B3GALT1: variants seen among roughly 807,000 people sequenced by gnomAD.
B3GALT1 encodes the protein UDP-Gal:betaGlcNAc beta 1,3-galactosyltransferase, polypeptide 1.
Under a neutral mutation model 23.2 loss-of-function variants are expected in B3GALT1, and 10 were observed. The observed-to-expected ratio is 0.43, with a 90% CI of 0.27 to 0.73. The LOEUF (loss-of-function observed/expected upper bound fraction) is 0.73. Among genes scored for constraint, B3GALT1 ranks in the 30% least tolerant of loss-of-function variants. The probability of loss-of-function intolerance (pLI) is 0.21; values close to 1 mark genes in which losing one functional copy is unlikely to be tolerated. For missense variants in B3GALT1, 299 were observed against 405.4 expected, an observed-to-expected ratio of 0.74 and a Z score of 2.25; for synonymous variants, 156 against 141.5, an observed-to-expected ratio of 1.10 and a Z score of -0.73.
intron 2 of B3GALT1, among the ~76,000 whole-genome samples, chr2:167,510,060 AAGTC>A (rs1408055847): frequency 2.0e-5 from 3 of 152,182 alleles, no homozygotes; most frequent in African/African-American, 7.2e-5. Flanking sequence ...ATAAAATTAA[AAGTC>A]AGATCATCAA....
At chr2:167,477,551 A>G (rs180811397) in intron 1 of B3GALT1, among the ~76,000 whole-genome samples, 1 of 152,342 alleles carries the variant, frequency 6.6e-6, no homozygotes, top group East Asian at 1.9e-4. Flanking sequence ...AAACGTTTCT[A>G]CTAAGTCTGA....
rs1685852913 is a variant in B3GALT1 at position 167,650,973 on chromosome 2, G to A, written c.-352+4007G>A. On this transcript the variant is annotated intron_variant, in intron 3 of 4. Transcript: ENST00000392690. ...AGTATAATAAATGCTCCTTAATTAT[G>A]TGTTCCCCATGCTTTAAAACAAAAT... Among the ~76,000 whole-genome samples the A allele has an allele frequency of 2.0e-5, 3 of 152,038 alleles. No homozygotes were observed. In the South Asian group the frequency reaches 6.2e-4, roughly 32 times the overall value.
intron 3 of B3GALT1, among the ~76,000 whole-genome samples, chr2:167,769,365 A>C (rs1688033135): frequency 6.6e-6 from 1 of 152,132 alleles, no homozygotes; most frequent in African/African-American, 2.4e-5. Flanking sequence ...GAGTTACATC[A>C]ATCTCAGTGC....
chr2:167,730,437 C>G (rs1179713115), intron 3 of B3GALT1, among the ~76,000 whole-genome samples: 1 of 152,102 alleles, frequency 6.6e-6, no homozygotes, highest in Non-Finnish European at 1.5e-5. Context: ...TAATATTTGT[C>G]TAGTACTTTA....
chr2:167,336,203 C>A (rs1313810993), intron 1 of B3GALT1, among the ~76,000 whole-genome samples: 1 of 152,030 alleles, frequency 6.6e-6, no homozygotes, highest in Non-Finnish European at 1.5e-5. Context: ...TTCTACATAT[C>A]AACCTGAATC....
chr2:167,454,892 G>A (rs1242067234), intron 1 of B3GALT1, among the ~76,000 whole-genome samples: 5 of 152,042 alleles, frequency 3.3e-5, no homozygotes, highest in Admixed American at 3.3e-4. Context: ...CCAATGTTTG[G>A]GCCTCAGCCA....
chr2:167,762,689 C>T (rs1687915313), intron 3 of B3GALT1, among the ~76,000 whole-genome samples: 1 of 152,000 alleles, frequency 6.6e-6, no homozygotes, highest in African/African-American at 2.4e-5. Context: ...CCTCTTTGCA[C>T]TTAGAGTTTG....
At chr2:167,750,922 G>A (rs1687725301) in intron 3 of B3GALT1, among the ~76,000 whole-genome samples, 1 of 151,990 alleles carries the variant, frequency 6.6e-6, no homozygotes, top group Non-Finnish European at 1.5e-5. Flanking sequence ...TGAAGTAATG[G>A]GTGAATGTAA....
At chr2:167,483,527 T>C (rs1035622553) in intron 1 of B3GALT1, among the ~76,000 whole-genome samples, 3 of 152,186 alleles carry the variant, frequency 2.0e-5, no homozygotes, top group Non-Finnish European at 2.9e-5. Flanking sequence ...TTAACTGGTT[T>C]AATATAGAAT....
chr2:167,640,815 C>T (rs1308755399), intron 2 of B3GALT1, among the ~76,000 whole-genome samples: 1 of 152,110 alleles, frequency 6.6e-6, no homozygotes, highest in Admixed American at 6.6e-5. Flanking sequence ...TCCATTGCAG[C>T]CTGGTCTCTG....
At chr2:167,579,210 A>ATCT in intron 2 of B3GALT1, among the ~76,000 whole-genome samples, 2 of 152,096 alleles carry the variant, frequency 1.3e-5, no homozygotes, top group Non-Finnish European at 2.9e-5. Context: ...GAATTTGTTC[A>ATCT]ACCTTATGAC....
rs2105264827 is a variant in B3GALT1, at chr2:167,364,078, T to C, written c.-511+70744T>C. 3.4e-5 allele frequency among the ~76,000 whole-genome samples: 5 copies of C among 146,466 alleles called. No homozygotes were observed. In the Middle Eastern group the frequency reaches 0.019, roughly 555 times the overall value. ...ACTCGGGAGGATGAGTCAGGAGAAT[T>C]GCTTGAACCCAGGAGATGGAGGTTG... On this transcript the variant is annotated intron_variant, in intron 1 of 4. Coordinates refer to ENST00000392690, the MANE Select transcript of B3GALT1 (RefSeq NM_020981.4).
At chr2:167,643,149 C>A (rs896673088) in intron 2 of B3GALT1, among the ~76,000 whole-genome samples, 1 of 152,122 alleles carries the variant, frequency 6.6e-6, no homozygotes, top group Non-Finnish European at 1.5e-5. Flanking sequence ...CACATACCAT[C>A]TATGAAATTC....
intron 2 of B3GALT1, among the ~76,000 whole-genome samples, chr2:167,559,701 A>G (rs1216262989): frequency 6.6e-6 from 1 of 152,242 alleles, no homozygotes; most frequent in Non-Finnish European, 1.5e-5. Flanking sequence ...AAGAAAGGGT[A>G]TCAGTGATGG....
chr2:167,862,378 A>T (rs1427215125), intron 4 of B3GALT1, among the ~76,000 whole-genome samples: 1 of 152,236 alleles, frequency 6.6e-6, no homozygotes, highest in Non-Finnish European at 1.5e-5. Context: ...GAGGAGATGC[A>T]TGTCACAGCT....
chr2:167,364,240 C>A (rs1191294838), intron 1 of B3GALT1, among the ~76,000 whole-genome samples: 1 of 149,504 alleles, frequency 6.7e-6, no homozygotes, highest in African/African-American at 2.5e-5. Context: ...ACACTTATAT[C>A]AAGGTTAATG....
At chr2:167,775,568 CA>C (rs60193092) in intron 3 of B3GALT1, among the ~76,000 whole-genome samples, 44,818 of 133,794 alleles carry the variant, frequency 0.33, 8,729 homozygotes, top group African/African-American at 0.6. Flanking sequence ...GACGCTGTCT[CA>C]AAAAAAAAAA....
chr2:167,641,619 A>G (rs1021261935), intron 2 of B3GALT1, among the ~76,000 whole-genome samples: 1 of 152,142 alleles, frequency 6.6e-6, no homozygotes, highest in African/African-American at 2.4e-5. Flanking sequence ...GGCATTTGAC[A>G]CAGTTGGGCA....
At chr2:167,302,634 A>G (rs1161634948) in intron 1 of B3GALT1, among the ~76,000 whole-genome samples, 1 of 152,110 alleles carries the variant, frequency 6.6e-6, no homozygotes, top group African/African-American at 2.4e-5. Context: ...TTTTATTGTC[A>G]TATCAGGTTA....
Sources: allele counts gnomAD v4.1 joint callset (sites outside exome capture counted in the v4.1 genomes callset), GRCh38; gene constraint gnomAD v4.1.1; transcripts MANE v1.5; gene names NCBI Gene and HGNC (gene_info 2026-07-23, HGNC 2026-07-21).